The following SH3KBP1 variants were observed in gnomAD, a reference collection of about 807,000 sequenced individuals.
SH3KBP1 encodes the protein SH3 domain-containing kinase-binding protein 1.
In SH3KBP1, 8 loss-of-function variants were observed where a neutral mutation model predicts 50.1. The observed-to-expected ratio is 0.16, with a 90% CI of 0.09 to 0.29. The LOEUF is 0.29. Among genes scored for constraint, SH3KBP1 ranks in the 10% least tolerant of loss-of-function variants. The pLI, the probability that SH3KBP1 is intolerant of heterozygous loss-of-function variation, is 1.00. For missense variants in SH3KBP1, 377 were observed against 535.2 expected, an observed-to-expected ratio of 0.70 and a Z score of 2.92; for synonymous variants, 227 against 218.6, an observed-to-expected ratio of 1.04 and a Z score of -0.34.
At chrX:19,721,653 G>A (rs2064062411) in intron 3 of SH3KBP1, among the ~76,000 whole-genome samples, 2 of 110,984 alleles carry the variant, frequency 1.8e-5, no homozygotes, top group African/African-American at 3.3e-5. Flanking sequence ...TGGCAAACAG[G>A]TTCCATGGAA....
At chrX:19,569,762 A>G (rs1193246265) in intron 12 of SH3KBP1, among the ~76,000 whole-genome samples, 1 of 111,525 alleles carries the variant, frequency 9.0e-6, no homozygotes, top group Non-Finnish European at 1.9e-5. Context: ...GCTCATCAGG[A>G]CACGAATGAC....
chrX:19,670,838 G>GAAAAAAAAAAAAA, intron 6 of SH3KBP1: 2 of 767,817 alleles, frequency 2.6e-6, no homozygotes, highest in African/African-American at 8.3e-5. Context: ...AACTCTAAAA[G>GAAAAAAAAAAAAA]CAAAAAAAAA....
intron 1 of SH3KBP1, among the ~76,000 whole-genome samples, chrX:19,868,149 T>A (rs1295232286): frequency 8.9e-6 from 1 of 112,188 alleles, no homozygotes. Context: ...CACGATGTGC[T>A]AGTGTGGGCT....
rs1009125508 is a variant in SH3KBP1, at chrX:19,661,828, T to C, written c.727-16353A>G. Among the ~76,000 whole-genome samples the C allele has an allele frequency of 3.6e-5, 4 of 111,033 alleles. No homozygotes were observed. The South Asian group carries it at 1.5e-3, about 42-fold the overall frequency. ...TTTTAGTAGAGACAGGGTTTCACCA[T>C]GTTGGCCAGGCTGGTCTTGAGCTCC... On this transcript the variant is annotated intron_variant, in intron 6 of 17. Transcript: ENST00000397821.
chrX:19,787,645 A>G (rs1199596453), intron 2 of SH3KBP1, among the ~76,000 whole-genome samples: 1 of 112,113 alleles, frequency 8.9e-6, no homozygotes, highest in East Asian at 2.8e-4. Flanking sequence ...GGACACAGCC[A>G]ACATATACAA....
At chrX:19,786,022 C>G (rs2066335207) in intron 2 of SH3KBP1, among the ~76,000 whole-genome samples, 1 of 111,973 alleles carries the variant, frequency 8.9e-6, no homozygotes, top group South Asian at 3.7e-4. Flanking sequence ...TGTGCATGTA[C>G]TTAGTGCTAT....
chrX:19,598,372 G>A (rs1207781139), intron 9 of SH3KBP1, among the ~76,000 whole-genome samples: 5 of 110,992 alleles, frequency 4.5e-5, no homozygotes, highest in African/African-American at 9.8e-5. Context: ...GATAACAGGC[G>A]TGAGCCACCA....
At chrX:19,828,452 C>A (rs1768707051) in intron 2 of SH3KBP1, among the ~76,000 whole-genome samples, 1 of 111,888 alleles carries the variant, frequency 8.9e-6, no homozygotes, top group Non-Finnish European at 1.9e-5. Context: ...GCGGGAGGAT[C>A]ACTTGAGCCC....
chrX:19,703,148 G>C (rs904267070), intron 4 of SH3KBP1, among the ~76,000 whole-genome samples: 1 of 111,991 alleles, frequency 8.9e-6, no homozygotes, highest in Non-Finnish European at 1.9e-5. Context: ...ACTCGCTCCT[G>C]CCAGGTGAGC....
intron 3 of SH3KBP1, among the ~76,000 whole-genome samples, chrX:19,735,924 C>T (rs1245801148): frequency 2.7e-5 from 3 of 110,577 alleles, no homozygotes; most frequent in African/African-American, 9.9e-5. Flanking sequence ...CGGGGTTTCA[C>T]TGTGTTAGCC....
chrX:19,695,898 T>C (rs937649194), intron 4 of SH3KBP1, among the ~76,000 whole-genome samples, 157 bp from the exon 5 acceptor site: 1 of 110,874 alleles, frequency 9.0e-6, no homozygotes, highest in Non-Finnish European at 1.9e-5. Context: ...AAAGACCACA[T>C]AGAGCCTTGA....
chrX:19,687,252 G>A (rs2063187168), intron 5 of SH3KBP1, among the ~76,000 whole-genome samples: 1 of 112,764 alleles, frequency 8.9e-6, no homozygotes, highest in Admixed American at 9.4e-5. Flanking sequence ...AACCATGAGA[G>A]GTTGACATCT....
At chrX:19,838,096 A>T (rs2068110397) in intron 1 of SH3KBP1, among the ~76,000 whole-genome samples, 1 of 108,746 alleles carries the variant, frequency 9.2e-6, no homozygotes, top group African/African-American at 3.6e-5. Context: ...CAACAACAAC[A>T]ACAAACCAAC....
At chrX:19,585,222 G>A (rs1232363404) in intron 12 of SH3KBP1, among the ~76,000 whole-genome samples, 1 of 111,366 alleles carries the variant, frequency 9.0e-6, no homozygotes, top group Non-Finnish European at 1.9e-5. Context: ...TGTACTAAAT[G>A]TACTAAATGT....
intron 1 of SH3KBP1, among the ~76,000 whole-genome samples, chrX:19,884,382 T>C (rs773544291): frequency 8.9e-6 from 1 of 112,458 alleles, no homozygotes. Context: ...CAAAATACAT[T>C]AAAAACAACT....
At chrX:19,777,690 C>A (rs777748052) in intron 2 of SH3KBP1, among the ~76,000 whole-genome samples, 1 of 111,456 alleles carries the variant, frequency 9.0e-6, no homozygotes, top group East Asian at 2.8e-4. Flanking sequence ...AGTCCTCCAG[C>A]GCCTTATTCT....
intron 2 of SH3KBP1, among the ~76,000 whole-genome samples, chrX:19,819,246 T>C (rs1348028957): frequency 8.9e-6 from 1 of 112,230 alleles, no homozygotes; most frequent in African/African-American, 3.2e-5. Context: ...GAATCTGTAA[T>C]GATATCACCT....
intron 7 of SH3KBP1, 49 bp from the exon 8 acceptor site, chrX:19,632,007 G>C (rs1197264601): frequency 1.2e-6 from 1 of 815,553 alleles, no homozygotes; most frequent in Non-Finnish European, 1.8e-6. Context: ...TATCTAATGA[G>C]CTGGCCCAGG....
chrX:19,774,063 A>C (rs772644156), intron 2 of SH3KBP1, among the ~76,000 whole-genome samples: 33 of 109,452 alleles, frequency 3.0e-4, no homozygotes, highest in African/African-American at 1.1e-3. Context: ...CAAATGTTAC[A>C]TGGCTTGAAA....
Sources: allele counts gnomAD v4.1 joint callset (sites outside exome capture counted in the v4.1 genomes callset), GRCh38; gene constraint gnomAD v4.1.1; transcripts MANE v1.5; gene names NCBI Gene and HGNC (gene_info 2026-07-23, HGNC 2026-07-21).